The following CCL13 variants were observed in gnomAD, a reference collection of about 807,000 sequenced individuals.
CCL13 encodes the protein C-C motif chemokine 13.
In CCL13, 5 loss-of-function variants were observed where a neutral mutation model predicts 6.6. The observed-to-expected ratio is 0.76, with a 90% confidence interval of 0.40 to 1.60. The LOEUF (loss-of-function observed/expected upper bound fraction) is 1.60. Among genes scored for constraint, CCL13 ranks in the 40% most tolerant of loss-of-function variants. The pLI is 0.02. For synonymous variants in CCL13, 39 were observed against 43.0 expected, an observed-to-expected ratio of 0.91 and a Z score of 0.37; for missense variants, 117 against 114.2, an observed-to-expected ratio of 1.02 and a Z score of -0.11.
intron 2 of CCL13, 42 bp downstream of exon 2, chr17:34,357,631 C>A: frequency 8.6e-7 from 1 of 1,166,818 alleles, no homozygotes. Flanking sequence ...CTCCCCACTC[C>A]CACATTCCCC....
chr17:34,357,339 G>A (rs1597613368), intron 1 of CCL13, 136 bp from the exon 2 acceptor site: 1 of 606,804 alleles, frequency 1.6e-6, no homozygotes, highest in African/African-American at 1.8e-5. Context: ...TCTAGGGTGG[G>A]AGTGCTGGGC....
Position 34,358,342 on chromosome 17 carries a change from C to A in CCL13, c.*211C>A. 1.8e-6 allele frequency: 1 copy of A among 548,792 alleles called. No individual in the cohort carries two copies. The allele number at this position is 548,792 out of a possible 1,614,324, so 34.0% of individuals were successfully genotyped here. On this transcript the variant is annotated 3_prime_UTR_variant, in exon 3 of 3. Coordinates refer to ENST00000225844, the MANE Select transcript of CCL13 (RefSeq NM_005408.3). Reference sequence around the variant, plus strand: ...TGGAGTTTATTTGAGTATTGCTGATCTTTTCTAAAGCAAGGCCTTGAGCAA... The same window carrying A: ...TGGAGTTTATTTGAGTATTGCTGATATTTTCTAAAGCAAGGCCTTGAGCAA...
In CCL13 at chr17:34,358,041, G is replaced by C; in HGVS notation, c.207G>C (p.Leu69=). The C allele has an allele frequency of 6.2e-7, 1 of 1,613,196 alleles. No homozygotes were observed. Among genetic ancestry groups the C allele is most frequent in the Non-Finnish European group, 8.5e-7 (1 of 1,179,690 alleles). The stretch of plus-strand genomic sequence containing the variant: ...TCCTCCACAGCTTCAGAACCAAACT[G>C]GGCAAGGAGATCTGTGCTGACCCAA... ...PQKAVIFRTK[L]GKEICADPKE... is the part of the protein sequence containing the mutation. Residue 69 remains leucine, a synonymous_variant, in exon 3 of 3, where the codon CTG becomes CTC. Coordinates refer to ENST00000225844, the MANE Select transcript of CCL13 (RefSeq NM_005408.3).
In CCL13 at chr17:34,357,516, A is replaced by G. The variant is rs1035399024; in HGVS notation, c.118A>G (p.Ser40Gly). Residue 40 changes from serine to glycine, a missense_variant, in exon 2 of 3, where the codon AGT becomes GGT. By Grantham distance (56) the Ser-to-Gly change is moderately conservative. Transcript: ENST00000225844. The stretch of plus-strand genomic sequence containing the variant: ...ATCTACTTGCTGCTTCACATTTAGC[A>G]GTAAGAAGATCTCCTTGCAGAGGCT... ...VPSTCCFTFS[S>G]KKISLQRLKS... 3.7e-6 allele frequency: 6 copies of G among 1,613,430 alleles called. No individual in the cohort carries two copies. The African/African-American group carries it at 8.0e-5, about 22-fold the overall frequency.
In CCL13 at chr17:34,356,494, A is replaced by T; in HGVS notation, c.-33A>T. On this transcript the variant is annotated 5_prime_UTR_variant, in exon 1 of 3. Coordinates refer to ENST00000225844, the MANE Select transcript of CCL13 (RefSeq NM_005408.3). ...GCCAGAGGAGCAGAGAGGCAAAGAA[A>T]CATTGTGAAATCTCCAACTCTTAAC... 1 of 1,540,552 alleles carries T rather than the reference A, an allele frequency of 6.5e-7. No individual in the cohort carries two copies. Among genetic ancestry groups the T allele is most frequent in the East Asian group, 2.3e-5 (1 of 44,132 alleles).
In CCL13 at chr17:34,358,097, A is replaced by T; in HGVS notation, c.263A>T (p.His88Leu). ...AAGTGGGTCCAGAATTATATGAAAC[A>T]CCTGGGCCGGAAAGCTCACACCCTG... ...KEKWVQNYMK[H>L]LGRKAHTLKT is the part of the protein sequence containing the mutation. Residue 88 changes from histidine to leucine, a missense_variant, in exon 3 of 3, where the codon CAC becomes CTC. Physicochemically the swap from His to Leu is moderately conservative, Grantham distance 99. Coordinates refer to ENST00000225844, the MANE Select transcript of CCL13 (RefSeq NM_005408.3). The T allele has an allele frequency of 6.2e-7, 1 of 1,614,000 alleles. No individual in the cohort carries two copies. The highest frequency in any genetic ancestry group is 8.5e-7 in the Non-Finnish European group (1 of 1,179,928).
rs1371522021 is a variant in CCL13 at position 34,358,465 on chromosome 17, TCATGGA to T, written c.*339_*344del. On this transcript the variant is annotated 3_prime_UTR_variant, in exon 3 of 3. Transcript: ENST00000225844. ...GGGGTTGAGAGCATGCCTGTGGGAG[TCATGGA>T]CATGAAGGGATGCTGCAATGTAGGA... 3.0e-6 allele frequency: 1 copy of T among 332,728 alleles called. No individual in the cohort carries two copies. Among genetic ancestry groups the T allele is most frequent in the Non-Finnish European group, 5.6e-6 (1 of 179,638 alleles). The allele number at this position is 332,728 out of a possible 1,614,324, so 20.6% of individuals were successfully genotyped here. A position where few individuals can be genotyped will look rare whatever the true frequency, so the allele number is the denominator to read the frequency against.
Position 34,358,018 on chromosome 17 carries a change from C to T in CCL13, c.192-8C>T. 1 of 1,604,062 alleles carries T rather than the reference C, an allele frequency of 6.2e-7. No homozygotes were observed. Among genetic ancestry groups the T allele is most frequent in the East Asian group, 2.2e-5 (1 of 44,842 alleles). On this transcript the variant is annotated splice_polypyrimidine_tract_variant and splice_region_variant and intron_variant, in intron 2 of 2. Transcript: ENST00000225844. ...CATCTAACTGTGCCAGATCTCCTTC[C>T]TCCACAGCTTCAGAACCAAACTGGG... is the stretch of plus-strand genomic sequence containing the variant.
chr17:34,357,873 C>G (rs987383918), intron 2 of CCL13, among the ~76,000 whole-genome samples, 153 bp from the exon 3 acceptor site: 1 of 152,230 alleles, frequency 6.6e-6, no homozygotes, highest in Non-Finnish European at 1.5e-5. Flanking sequence ...TCCAGAGACC[C>G]CTTCTGTCCA....
At chr17:34,356,777 C>G (rs544890091) in intron 1 of CCL13, among the ~76,000 whole-genome samples, 175 bp downstream of exon 1, 3 of 152,110 alleles carry the variant, frequency 2.0e-5, no homozygotes, top group South Asian at 2.1e-4. Context: ...CAGGTTCAAG[C>G]GATTCTCTTG....
chr17:34,358,181 C>T lies in CCL13; in HGVS notation c.*50C>T, dbSNP rs757912599. ...AGCTGGAGTACGTGAAATGACTTTT[C>T]CATTCTCCTCTGGCCTCCTCTTCTA... On this transcript the variant is annotated 3_prime_UTR_variant, in exon 3 of 3. Coordinates refer to ENST00000225844, the MANE Select transcript of CCL13 (RefSeq NM_005408.3). The T allele has an allele frequency of 1.6e-6, 2 of 1,241,144 alleles. No homozygotes were observed. Among genetic ancestry groups the T allele is most frequent in the South Asian group, 1.2e-5 (1 of 82,408 alleles). The allele number at this position is 1,241,144 out of a possible 1,614,324, so 76.9% of individuals were successfully genotyped here.
At chr17:34,357,645 C>A in intron 2 of CCL13, 56 bp downstream of exon 2, 4 of 1,052,752 alleles carry the variant, frequency 3.8e-6, no homozygotes, top group Non-Finnish European at 5.9e-6. Context: ...ATTCCCCAAT[C>A]CAAAGTTCTG....
At chr17:34,357,958 G>C (rs1043246418) in intron 2 of CCL13, 68 bp from the exon 3 acceptor site, 2 of 1,134,710 alleles carry the variant, frequency 1.8e-6, no homozygotes, top group Non-Finnish European at 2.6e-6. Flanking sequence ...TTAGAACCCA[G>C]TGTGTCATCT....
chr17:34,358,250 C>A lies in CCL13; in HGVS notation c.*119C>A, dbSNP rs528475517. 9 of 710,592 alleles carry A rather than the reference C, an allele frequency of 1.3e-5. No homozygotes were observed. The highest frequency in any genetic ancestry group is 5.4e-5 in the East Asian group (2 of 37,284). The allele number at this position is 710,592 out of a possible 1,614,324, so 44.0% of individuals were successfully genotyped here. On this transcript the variant is annotated 3_prime_UTR_variant, in exon 3 of 3. Transcript: ENST00000225844. Reference sequence around the variant, plus strand: ...CCATAATTTTCAAATAGGATGCATTCGGTTTTGTGATTCAAAATGTACTAT... The same window carrying A: ...CCATAATTTTCAAATAGGATGCATTAGGTTTTGTGATTCAAAATGTACTAT...
rs1484329604 is a variant in CCL13, at chr17:34,356,519, C to A, written c.-8C>A. The A allele has an allele frequency of 1.2e-6, 2 of 1,606,704 alleles. No individual in the cohort carries two copies. Among genetic ancestry groups the A allele is most frequent in the Non-Finnish European group, 1.7e-6 (2 of 1,173,972 alleles). On this transcript the variant is annotated 5_prime_UTR_variant, in exon 1 of 3. Coordinates refer to ENST00000225844, the MANE Select transcript of CCL13 (RefSeq NM_005408.3). ...ACATTGTGAAATCTCCAACTCTTAA[C>A]CTTCAACATGAAAGTCTCTGCAGTG...
chr17:34,357,979 C>A (rs1242169184), intron 2 of CCL13, 47 bp from the exon 3 acceptor site: 3 of 1,404,440 alleles, frequency 2.1e-6, no homozygotes, highest in Non-Finnish European at 3.0e-6. Context: ...CCTGGGTAAA[C>A]CCTCAAAGGG....
In CCL13 at chr17:34,356,535, C is replaced by A. The variant is rs776678465; in HGVS notation, c.9C>A (p.Val3=). ...AACTCTTAACCTTCAACATGAAAGTCTCTGCAGTGCTTCTGTGCCTGCTGC... is the reference window on the plus strand; with the variant it reads ...AACTCTTAACCTTCAACATGAAAGTATCTGCAGTGCTTCTGTGCCTGCTGC... MK[V]SAVLLCLLLM... Residue 3 remains valine (V), a synonymous_variant, in exon 1 of 3, where the codon GTC becomes GTA. Coordinates refer to ENST00000225844, the MANE Select transcript of CCL13 (RefSeq NM_005408.3). 8 of 1,611,972 alleles carry A rather than the reference C, an allele frequency of 5.0e-6. No individual in the cohort carries two copies.
Position 34,357,387 on chromosome 17 carries a change from T to C in CCL13, c.77-88T>C, listed in dbSNP as rs1010484332. 1.3e-5 allele frequency: 11 copies of C among 837,650 alleles called. No homozygotes were observed. In the African/African-American group the frequency reaches 1.8e-4, roughly 14 times the overall value. The allele number at this position is 837,650 out of a possible 1,614,324, so 51.9% of individuals were successfully genotyped here. ...AAGATCTATTTCTTCCTCTTTGCTT[T>C]GCATCCCATACAGATGCTCCCTGCT... On this transcript the variant is annotated intron_variant, in intron 1 of 2. Coordinates refer to ENST00000225844, the MANE Select transcript of CCL13 (RefSeq NM_005408.3).
intron 2 of CCL13, 107 bp from the exon 3 acceptor site, chr17:34,357,919 T>C: frequency 1.4e-6 from 1 of 725,076 alleles, no homozygotes; most frequent in Non-Finnish European, 2.3e-6. Context: ...GGGGTGCCCC[T>C]TCACCTGTAG....
Sources: gnomAD v4.1 joint callset for allele counts (sites outside exome capture counted in the v4.1 genomes callset) on GRCh38, gnomAD v4.1.1 for gene constraint, MANE v1.5 for transcripts, NCBI Gene and HGNC (gene_info 2026-07-23, HGNC 2026-07-21) for gene names.